The following BCKDHB variants were observed in gnomAD, a reference collection of about 807,000 sequenced individuals.
BCKDHB encodes the protein branched chain keto acid dehydrogenase E1 subunit beta, also known as 2-oxoisovalerate dehydrogenase subunit beta, mitochondrial.
BCKDHB carries 41 observed loss-of-function variants against 48.5 expected under a neutral mutation model. The ratio of observed to expected loss-of-function variants is 0.85; its 90% CI spans 0.66 to 1.10. The LOEUF is 1.10. BCKDHB is among the 50% of genes least tolerant of loss of function. The pLI, the probability that BCKDHB is intolerant of heterozygous loss-of-function variation, is 0.00. For synonymous variants in BCKDHB, 201 were observed against 174.8 expected, an observed-to-expected ratio of 1.15 and a Z score of -1.18; for missense variants, 496 against 494.2, an observed-to-expected ratio of 1.00 and a Z score of -0.03.
At chr6:80,330,089 G>T (rs1242125323) in intron 9 of BCKDHB, among the ~76,000 whole-genome samples, 2 of 141,336 alleles carry the variant, frequency 1.4e-5, no homozygotes, top group African/African-American at 5.3e-5. Context: ...GAAGAGAGAG[G>T]CTTGTGTCAA....
chr6:80,170,039 C>T, intron 5 of BCKDHB: 1 of 682,650 alleles, frequency 1.5e-6, no homozygotes, highest in Non-Finnish European at 1.8e-6. Flanking sequence ...TCTTCCTCTT[C>T]CTTTTTCCTT....
chr6:80,344,263 C>CTTTTT lies in BCKDHB; in HGVS notation c.*459_*460insTTTTT. The CTTTTT allele has an allele frequency of 6.0e-5, 14 of 231,520 alleles. No homozygotes were observed. Among genetic ancestry groups the CTTTTT allele is most frequent in the Admixed American group, 1.6e-4 (3 of 19,298 alleles). 14.3% of individuals were successfully genotyped at this position (231,520 alleles called of 1,614,324 possible). A position where few individuals can be genotyped will look rare whatever the true frequency, so the allele number is the denominator to read the frequency against. Reference sequence around the variant, plus strand: ...CAAGTGATCCACCTGCCTTAGCCTCCCAAAGTGCTGGGATTACAGGCATGA... The same window carrying CTTTTT: ...CAAGTGATCCACCTGCCTTAGCCTCCTTTTTCAAAGTGCTGGGATTACAGGCATGA... On this transcript the variant is annotated 3_prime_UTR_variant, in exon 10 of 10. Transcript: ENST00000320393.
At chr6:80,140,919 G>A (rs1023700232) in intron 3 of BCKDHB, among the ~76,000 whole-genome samples, 95 of 152,266 alleles carry the variant, frequency 6.2e-4, no homozygotes, top group African/African-American at 2.3e-3. Flanking sequence ...ATTCGGCTGT[G>A]AATCCATCTG....
the BCKDHB span, among the ~76,000 whole-genome samples, chr6:80,377,938 G>A: frequency 2.6e-5 from 4 of 152,144 alleles, no homozygotes; most frequent in South Asian, 2.1e-4. Context: ...ACAATGTTAA[G>A]TCTTTAGATC....
chr6:80,255,524 C>T (rs955293009), intron 8 of BCKDHB, among the ~76,000 whole-genome samples: 2 of 152,080 alleles, frequency 1.3e-5, no homozygotes, highest in African/African-American at 2.4e-5. Flanking sequence ...GAAAAAAATT[C>T]GGATCACCGC....
chr6:80,451,111 T>C, the BCKDHB span, among the ~76,000 whole-genome samples: 635 of 152,282 alleles, frequency 4.2e-3, 2 homozygotes, highest in African/African-American at 0.014. Flanking sequence ...TTCAAAACAA[T>C]GCTCAGGGCT....
chr6:80,395,613 A>G, the BCKDHB span, among the ~76,000 whole-genome samples: 1 of 152,242 alleles, frequency 6.6e-6, no homozygotes. Context: ...AAGATTTGAT[A>G]GGAAAGAAAA....
At chr6:80,265,916 G>A (rs1777495633) in intron 8 of BCKDHB, among the ~76,000 whole-genome samples, 3 of 152,054 alleles carry the variant, frequency 2.0e-5, no homozygotes, top group Admixed American at 1.3e-4. Context: ...AGTAACTCTT[G>A]AACTCTCACT....
intron 1 of BCKDHB, among the ~76,000 whole-genome samples, chr6:80,115,368 CTTATT>C (rs1159354606): frequency 6.6e-6 from 1 of 152,084 alleles, no homozygotes; most frequent in Non-Finnish European, 1.5e-5. Flanking sequence ...CTCCCTCAGT[CTTATT>C]TTATGAAGTA....
At chr6:80,314,039 TC>T (rs1768306881) in intron 9 of BCKDHB, among the ~76,000 whole-genome samples, 1 of 152,168 alleles carries the variant, frequency 6.6e-6, no homozygotes, top group Non-Finnish European at 1.5e-5. Context: ...CAAAAGTCAT[TC>T]AGAGCAGGTT....
intron 8 of BCKDHB, among the ~76,000 whole-genome samples, chr6:80,265,705 CTATCTT>C (rs1777486932): frequency 1.3e-5 from 2 of 152,048 alleles, no homozygotes; most frequent in Admixed American, 6.6e-5. Context: ...GAAAACAAAA[CTATCTT>C]TATGGAATTT....
intron 9 of BCKDHB, among the ~76,000 whole-genome samples, chr6:80,282,243 A>G (rs1344774692): frequency 2.8e-4 from 42 of 152,178 alleles, no homozygotes; most frequent in Admixed American, 2.8e-3. Context: ...AAAATGTAAT[A>G]TCGTTTGTTA....
chr6:80,438,971 G>C, the BCKDHB span, among the ~76,000 whole-genome samples: 6 of 152,082 alleles, frequency 3.9e-5, no homozygotes. Context: ...CAGACGGGTG[G>C]GACAGATCAG....
At chr6:80,451,744 AAAAG>A in the BCKDHB span, among the ~76,000 whole-genome samples, 8 of 152,042 alleles carry the variant, frequency 5.3e-5, no homozygotes, top group Non-Finnish European at 1.0e-4. Context: ...AAAAAAAAAA[AAAAG>A]AAAGTGACAT....
rs140764195 is a variant in BCKDHB at position 80,151,250 on chromosome 6, A to G, written c.344-16428A>G. Among the ~76,000 whole-genome samples the G allele has an allele frequency of 1.7e-3, 265 of 152,278 alleles. 1 individual carries two copies. The highest frequency in any genetic ancestry group is 6.0e-3 in the African/African-American group (251 of 41,564). ...TTGGAGTGTGAACTAGAAAAATACT[A>G]TACACAAGTAATTAGATTGTAGAAG... On this transcript the variant is annotated intron_variant, in intron 3 of 9. Coordinates refer to ENST00000320393, the MANE Select transcript of BCKDHB (RefSeq NM_183050.4).
the BCKDHB span, among the ~76,000 whole-genome samples, chr6:80,426,170 A>G: frequency 6.6e-6 from 1 of 152,172 alleles, no homozygotes; most frequent in South Asian, 2.1e-4. Flanking sequence ...TTGTCTCCCT[A>G]TGACCGAGGA....
chr6:80,333,975 G>T (rs1429960520), intron 9 of BCKDHB, among the ~76,000 whole-genome samples: 1 of 152,020 alleles, frequency 6.6e-6, no homozygotes, highest in Non-Finnish European at 1.5e-5. Flanking sequence ...TGTGAAAATA[G>T]GTATAAAACT....
chr6:80,406,071 C>T, the BCKDHB span, among the ~76,000 whole-genome samples: 1 of 151,950 alleles, frequency 6.6e-6, no homozygotes, highest in Admixed American at 6.6e-5. Flanking sequence ...TGAGAACGTG[C>T]AGTGTTTTGT....
chr6:80,421,160 A>G, the BCKDHB span, among the ~76,000 whole-genome samples: 16 of 151,994 alleles, frequency 1.1e-4, no homozygotes, highest in African/African-American at 3.9e-4. Context: ...TGTTCTCATG[A>G]TAGAGAGTTC....
Sources: gnomAD v4.1 joint callset for allele counts (sites outside exome capture counted in the v4.1 genomes callset) on GRCh38, gnomAD v4.1.1 for gene constraint, MANE v1.5 for transcripts, NCBI Gene and HGNC (gene_info 2026-07-23, HGNC 2026-07-21) for gene names.